ATF6: variants seen among roughly 807,000 people sequenced by gnomAD.
ATF6 encodes activating transcription factor 6.
ATF6 carries 53 observed loss-of-function variants against 83.6 expected under a neutral mutation model. The ratio of observed to expected loss-of-function variants is 0.63; its 90% confidence interval spans 0.51 to 0.80. The LOEUF is 0.80. Ranked by LOEUF, ATF6 falls within the 30% of genes least tolerant of loss-of-function variation. ATF6 has a pLI of 0.00. For synonymous variants in ATF6, 288 were observed against 285.8 expected (o/e 1.01, Z -0.08); for missense variants, 744 against 797.9 (o/e 0.93, Z 0.81).
intron 14 of ATF6, among the ~76,000 whole-genome samples, chr1:161,879,883 A>G (rs1474842823): frequency 6.6e-6 from 1 of 152,040 alleles, no homozygotes; most frequent in East Asian, 1.9e-4. Context: ...GCAACTTAAT[A>G]ATGCCATTTT....
intron 3 of ATF6, among the ~76,000 whole-genome samples, chr1:161,783,053 A>G (rs1160812180): frequency 6.6e-6 from 1 of 152,160 alleles, no homozygotes; most frequent in Non-Finnish European, 1.5e-5. Context: ...CTTGAAGACT[A>G]GGACTACTAA....
chr1:161,769,205 A>G (rs1684332513), intron 1 of ATF6, among the ~76,000 whole-genome samples: 1 of 152,230 alleles, frequency 6.6e-6, no homozygotes, highest in African/African-American at 2.4e-5. Context: ...ATAAAGCTTT[A>G]TAGACACTGA....
At chr1:161,797,181 G>A (rs925294162) in intron 6 of ATF6, among the ~76,000 whole-genome samples, 7 of 152,080 alleles carry the variant, frequency 4.6e-5, no homozygotes, top group African/African-American at 1.4e-4. Flanking sequence ...AAAATAATAA[G>A]AACCATCTAT....
At chr1:161,935,634 T>C (rs114591250) in intron 15 of ATF6, among the ~76,000 whole-genome samples, 1,581 of 152,370 alleles carry the variant, frequency 0.01, 12 homozygotes, top group South Asian at 0.026. Flanking sequence ...AGTGCAAATG[T>C]AATTGCTGTT....
At chr1:161,769,615 T>G (rs926155898) in intron 1 of ATF6, among the ~76,000 whole-genome samples, 5 of 152,198 alleles carry the variant, frequency 3.3e-5, no homozygotes, top group East Asian at 1.9e-4. Flanking sequence ...CACTGTAATA[T>G]ATAATGAAAT....
rs181072158 is a variant in ATF6 at position 161,807,127 on chromosome 1, C to T, written c.909+4855C>T. Among the ~76,000 whole-genome samples the T allele has an allele frequency of 4.1e-4, 63 of 152,150 alleles. 1 individual carries two copies. In the East Asian group the frequency reaches 7.1e-3, roughly 17 times the overall value. Reference sequence around the variant, plus strand: ...AGAATGGCCTGGGAAAAGAGTGGTCCGGACCTTGCATTCTTTGCATACCCA... The same window carrying T: ...AGAATGGCCTGGGAAAAGAGTGGTCTGGACCTTGCATTCTTTGCATACCCA... On this transcript the variant is annotated intron_variant, in intron 7 of 15. Coordinates refer to ENST00000367942, the MANE Select transcript of ATF6 (RefSeq NM_007348.4).
intron 10 of ATF6, among the ~76,000 whole-genome samples, chr1:161,849,315 C>T (rs1686559028): frequency 6.6e-6 from 1 of 152,202 alleles, no homozygotes; most frequent in African/African-American, 2.4e-5. Flanking sequence ...TTAACCCTTA[C>T]AGCCACAAGA....
At position 161,962,293 on chromosome 1, in the gene ATF6, T is replaced by C. The variant is rs757034476; in HGVS notation, c.*3639T>C. The C allele has an allele frequency of 1.4e-5, 2 of 146,238 alleles. No individual in the cohort carries two copies. Among genetic ancestry groups the C allele is most frequent in the South Asian group, 4.4e-4 (2 of 4,584 alleles). The allele number at this position is 146,238 out of a possible 1,614,324, so 9.1% of individuals were successfully genotyped here. On this transcript the variant is annotated 3_prime_UTR_variant, in exon 16 of 16. Coordinates refer to ENST00000367942, the MANE Select transcript of ATF6 (RefSeq NM_007348.4). ...AAAAGGAACTTGGGATTCAAATTGA[T>C]TTTTCAAATCATTTTTAAAGAGACA...
At chr1:161,841,651 C>G (rs1686361280) in intron 9 of ATF6, among the ~76,000 whole-genome samples, 1 of 152,104 alleles carries the variant, frequency 6.6e-6, no homozygotes, top group African/African-American at 2.4e-5. Flanking sequence ...TTTATTGACT[C>G]TGTGTAATGT....
chr1:161,948,814 C>T (rs1053978048), intron 15 of ATF6, among the ~76,000 whole-genome samples: 3 of 152,182 alleles, frequency 2.0e-5, no homozygotes, highest in South Asian at 2.1e-4. Flanking sequence ...TTATGTAAGC[C>T]GACAAAACGA....
rs554184679 is a variant in ATF6 at position 161,790,499 on chromosome 1, C to G, written c.355-909C>G. ...ATGTATCTCAATCATTATGAATTCA[C>G]CTACTAAATTAAAGAAAATAGCACT... On this transcript the variant is annotated intron_variant, in intron 4 of 15. Transcript: ENST00000367942. Among the ~76,000 whole-genome samples the G allele has an allele frequency of 2.6e-5, 4 of 152,142 alleles. No individual in the cohort carries two copies. The East Asian group carries it at 7.7e-4, about 29-fold the overall frequency.
At chr1:161,863,620 A>G (rs1273743806) in intron 14 of ATF6, among the ~76,000 whole-genome samples, 2 of 152,244 alleles carry the variant, frequency 1.3e-5, no homozygotes, top group African/African-American at 4.8e-5. Flanking sequence ...AAGTAAAAAC[A>G]TAAAAATATT....
At chr1:161,775,716 T>C (rs191663701) in intron 1 of ATF6, among the ~76,000 whole-genome samples, 2 of 152,254 alleles carry the variant, frequency 1.3e-5, no homozygotes, top group East Asian at 3.9e-4. Flanking sequence ...TTTTGCACTT[T>C]CCCTGCTGCA....
intron 14 of ATF6, among the ~76,000 whole-genome samples, chr1:161,877,943 G>A (rs1687249205): frequency 6.6e-6 from 1 of 151,998 alleles, no homozygotes; most frequent in Non-Finnish European, 1.5e-5. Flanking sequence ...AATATTTGGG[G>A]GGCACGGTAA....
Position 161,812,289 on chromosome 1 carries a change from T to TTG in ATF6, c.910-7320_910-7319dup, listed in dbSNP as rs10607216. 5.2e-3 allele frequency among the ~76,000 whole-genome samples: 753 copies of TTG among 145,378 alleles called. 4 individuals carry two copies. Among genetic ancestry groups the TTG allele is most frequent in the Non-Finnish European group, 7.4e-3 (490 of 66,360 alleles). ...TAGTGATTAAATAACATTTCATGCT[T>TTG]TGTGTGTGTGTGTGTGTGTGTGTGT... On this transcript the variant is annotated intron_variant, in intron 7 of 15. Transcript: ENST00000367942.
chr1:161,792,204 G>A lies in ATF6; in HGVS notation c.565G>A (p.Ala189Thr), dbSNP rs1342628549. The A allele has an allele frequency of 6.2e-7, 1 of 1,614,098 alleles. No individual in the cohort carries two copies. The highest frequency in any genetic ancestry group is 1.7e-5 in the Admixed American group (1 of 60,020). Residue 189 changes from alanine (A) to threonine (T), a missense_variant, in exon 6 of 16, where the codon GCA becomes ACA. Ala to Thr is a moderately conservative substitution (Grantham distance 58, BLOSUM62 0). Coordinates refer to ENST00000367942, the MANE Select transcript of ATF6 (RefSeq NM_007348.4). Reference sequence around the variant, plus strand: ...GCCCAAGCCTTTATTGCTTCCAGCAGCACCCAAGACTCAAACAAACTCCAG... The same window carrying A: ...GCCCAAGCCTTTATTGCTTCCAGCAACACCCAAGACTCAAACAAACTCCAG... ...IQPKPLLLPA[A>T]PKTQTNSSVP...
intron 7 of ATF6, among the ~76,000 whole-genome samples, chr1:161,812,633 C>G (rs901092907): frequency 1.3e-5 from 2 of 151,848 alleles, no homozygotes; most frequent in Admixed American, 6.6e-5. Context: ...ACCTCGTGAT[C>G]CACCCGCCTC....
intron 1 of ATF6, among the ~76,000 whole-genome samples, chr1:161,770,526 TGA>T (rs993906455): frequency 2.6e-5 from 4 of 152,196 alleles, no homozygotes; most frequent in Non-Finnish European, 5.9e-5. Flanking sequence ...CACATGGCAC[TGA>T]GAGAGAGAAT....
intron 14 of ATF6, among the ~76,000 whole-genome samples, chr1:161,888,061 C>T (rs1320952829): frequency 6.6e-6 from 1 of 152,194 alleles, no homozygotes; most frequent in East Asian, 1.9e-4. Context: ...TCAACCATCA[C>T]TCTCATTAAC....
Sources: gnomAD v4.1 joint callset for allele counts (sites outside exome capture counted in the v4.1 genomes callset) on GRCh38, gnomAD v4.1.1 for gene constraint, MANE v1.5 for transcripts, NCBI Gene and HGNC (gene_info 2026-07-23, HGNC 2026-07-21) for gene names.